The following CUL1 variants were observed in gnomAD, a reference collection of about 807,000 sequenced individuals.
CUL1 encodes the protein cullin-1.
Under a neutral mutation model 118.0 loss-of-function variants are expected in CUL1, and 24 were observed. That is an observed-to-expected ratio of 0.20 (90% CI 0.15 to 0.29). The LOEUF is 0.29. Among genes scored for constraint, CUL1 ranks in the 10% least tolerant of loss-of-function variants. CUL1 has a pLI of 1.00. For synonymous variants in CUL1, 332 were observed against 340.4 expected, an observed-to-expected ratio of 0.98 and a Z score of 0.27; for missense variants, 361 against 933.8, an observed-to-expected ratio of 0.39 and a Z score of 7.99.
chr7:148,744,668 G>T (rs1489316069), intron 2 of CUL1, among the ~76,000 whole-genome samples: 1 of 152,056 alleles, frequency 6.6e-6, no homozygotes, highest in South Asian at 2.1e-4. Context: ...GTATTTTAAA[G>T]AATTAAGAAA....
At chr7:148,756,726 G>A (rs1001362654) in intron 3 of CUL1, among the ~76,000 whole-genome samples, 1 of 151,976 alleles carries the variant, frequency 6.6e-6, no homozygotes, top group African/African-American at 2.4e-5. Flanking sequence ...AAATGTTCAG[G>A]GTACTTTTTT....
At chr7:148,745,354 CT>C (rs1799279333) in intron 2 of CUL1, among the ~76,000 whole-genome samples, 1 of 152,110 alleles carries the variant, frequency 6.6e-6, no homozygotes, top group African/African-American at 2.4e-5. Context: ...TGTTGATTGT[CT>C]TTTGTCTTGA....
chr7:148,799,642 A>G lies in CUL1; in HGVS notation c.2250+254A>G, dbSNP rs951673117. ...TCAGCACCCAGGTAAGAATTGAAACATGCCCGGCATCCCGGAAGCCCACCC... is the reference window on the plus strand; with the variant it reads ...TCAGCACCCAGGTAAGAATTGAAACGTGCCCGGCATCCCGGAAGCCCACCC... On this transcript the variant is annotated intron_variant, in intron 21 of 21. Coordinates refer to ENST00000325222, the MANE Select transcript of CUL1 (RefSeq NM_003592.3). Among the ~76,000 whole-genome samples, 10 of 152,214 alleles carry G rather than the reference A, an allele frequency of 6.6e-5. No individual in the cohort carries two copies. In the South Asian group the frequency reaches 2.1e-3, roughly 31 times the overall value.
At chr7:148,758,478 G>A (rs1392491867) in intron 4 of CUL1, among the ~76,000 whole-genome samples, 1 of 152,058 alleles carries the variant, frequency 6.6e-6, no homozygotes, top group Non-Finnish European at 1.5e-5. Context: ...AAATATCCAG[G>A]CATGGTGACG....
chr7:148,778,575 A>C (rs1800502963), intron 9 of CUL1, among the ~76,000 whole-genome samples: 1 of 152,188 alleles, frequency 6.6e-6, no homozygotes, highest in Non-Finnish European at 1.5e-5. Flanking sequence ...ACTGCACGAT[A>C]TGTTTTTGTT....
chr7:148,727,840 A>G (rs554231009), intron 1 of CUL1, among the ~76,000 whole-genome samples: 16 of 152,120 alleles, frequency 1.1e-4, no homozygotes, highest in African/African-American at 3.6e-4. Flanking sequence ...GAGGCAAATG[A>G]AGAGAGAAAA....
intron 1 of CUL1, among the ~76,000 whole-genome samples, chr7:148,711,539 C>G (rs749958301): frequency 1.3e-5 from 2 of 152,138 alleles, no homozygotes; most frequent in African/African-American, 2.4e-5. Flanking sequence ...AGCCCTAAAT[C>G]AAATAAAGAG....
At chr7:148,777,996 G>A (rs1800459303) in intron 9 of CUL1, among the ~76,000 whole-genome samples, 1 of 145,546 alleles carries the variant, frequency 6.9e-6, no homozygotes, top group South Asian at 2.2e-4. Context: ...CAGGGAGGCA[G>A]AGGTTGCAGT....
At chr7:148,783,916 C>A (rs773433965) in intron 10 of CUL1, 26 bp downstream of exon 10, 2 of 1,613,228 alleles carry the variant, frequency 1.2e-6, no homozygotes, top group South Asian at 2.2e-5. Flanking sequence ...TTGTGACTTG[C>A]CTGTAGTATG....
intron 9 of CUL1, among the ~76,000 whole-genome samples, chr7:148,778,422 A>G (rs1182736706): frequency 6.6e-6 from 1 of 152,102 alleles, no homozygotes; most frequent in Non-Finnish European, 1.5e-5. Flanking sequence ...CTTCCCAGAT[A>G]ATGGTCCAAG....
intron 7 of CUL1, among the ~76,000 whole-genome samples, chr7:148,765,892 G>C (rs1799988001): frequency 6.6e-6 from 1 of 152,152 alleles, no homozygotes; most frequent in Non-Finnish European, 1.5e-5. Flanking sequence ...CTTAGTATCT[G>C]CACAGAAGAT....
chr7:148,717,210 C>T (rs1296574143), intron 1 of CUL1, among the ~76,000 whole-genome samples: 2 of 152,118 alleles, frequency 1.3e-5, no homozygotes, highest in Non-Finnish European at 2.9e-5. Context: ...CCACCTGCCA[C>T]CACGCCCGGC....
At chr7:148,739,565 CT>C (rs1799074564) in intron 2 of CUL1, among the ~76,000 whole-genome samples, 1 of 152,130 alleles carries the variant, frequency 6.6e-6, no homozygotes, top group South Asian at 2.1e-4. Context: ...CTTTCGCCTC[CT>C]GTTTTTTCCA....
At chr7:148,770,795 A>C (rs921993164) in intron 9 of CUL1, among the ~76,000 whole-genome samples, 2 of 152,366 alleles carry the variant, frequency 1.3e-5, no homozygotes, top group Middle Eastern at 6.8e-3. Context: ...CTGCTAAAAA[A>C]CAAATACTTT....
At chr7:148,788,084 G>A (rs1800879854) in intron 13 of CUL1, among the ~76,000 whole-genome samples, 1 of 152,172 alleles carries the variant, frequency 6.6e-6, no homozygotes, top group Non-Finnish European at 1.5e-5. Context: ...TGCCTCACGT[G>A]TCAGAGAGAG....
intron 9 of CUL1, among the ~76,000 whole-genome samples, chr7:148,778,675 C>T (rs1366356336): frequency 6.6e-6 from 1 of 152,122 alleles, no homozygotes; most frequent in Non-Finnish European, 1.5e-5. Context: ...TCCTGGTGTC[C>T]TGAGGTTGAT....
At chr7:148,761,488 G>A (rs544777125) in intron 7 of CUL1, among the ~76,000 whole-genome samples, 2 of 152,330 alleles carry the variant, frequency 1.3e-5, no homozygotes, top group Non-Finnish European at 2.9e-5. Context: ...TCCAGCCTGG[G>A]TGACAGAGTG....
At chr7:148,712,236 G>A (rs565054986) in intron 1 of CUL1, among the ~76,000 whole-genome samples, 1 of 152,316 alleles carries the variant, frequency 6.6e-6, no homozygotes, top group Non-Finnish European at 1.5e-5. Context: ...TCATTCACTA[G>A]CAAGAGAGCT....
chr7:148,799,700 C>G (rs1441293322), intron 21 of CUL1, among the ~76,000 whole-genome samples: 1 of 142,726 alleles, frequency 7.0e-6, no homozygotes, highest in Non-Finnish European at 1.5e-5. Flanking sequence ...CATAGAAAAT[C>G]ACTGTCGTGT....
Sources: gnomAD v4.1 joint callset for allele counts (sites outside exome capture counted in the v4.1 genomes callset) on GRCh38, gnomAD v4.1.1 for gene constraint, MANE v1.5 for transcripts, NCBI Gene and HGNC (gene_info 2026-07-23, HGNC 2026-07-21) for gene names.